The following ERBB4 variants were observed in gnomAD, a reference collection of about 807,000 sequenced individuals.
ERBB4 encodes receptor tyrosine-protein kinase erbB-4.
In ERBB4, 42 loss-of-function variants were observed where a neutral mutation model predicts 158.0. That is an observed-to-expected ratio of 0.27 (90% CI 0.21 to 0.34). The LOEUF (loss-of-function observed/expected upper bound fraction) is 0.34. Ranked by LOEUF, ERBB4 falls within the 10% of genes least tolerant of loss-of-function variation. The pLI, the probability that ERBB4 is intolerant of heterozygous loss-of-function variation, is 1.00. For missense variants in ERBB4, 1,333 were observed against 1,624.1 expected (o/e 0.82, Z 3.08); for synonymous variants, 583 against 558.7 (o/e 1.04, Z -0.61).
intron 1 of ERBB4, among the ~76,000 whole-genome samples, chr2:212,471,104 T>C (rs1024548109): frequency 2.6e-5 from 4 of 152,058 alleles, no homozygotes; most frequent in Admixed American, 6.6e-5. Flanking sequence ...CTACTTTGCC[T>C]TCAACCCAAT....
chr2:211,665,248 A>C, intron 15 of ERBB4, 75 bp downstream of exon 15: 1 of 1,424,794 alleles, frequency 7.0e-7, no homozygotes, highest in Non-Finnish European at 9.9e-7. Flanking sequence ...TATACATTTC[A>C]GAGATGGTAC....
chr2:211,758,706 C>T (rs1488194845), intron 4 of ERBB4, among the ~76,000 whole-genome samples: 1 of 152,204 alleles, frequency 6.6e-6, no homozygotes, highest in Non-Finnish European at 1.5e-5. Context: ...ATGAGCTTGC[C>T]AGAGCCACCA....
intron 20 of ERBB4, among the ~76,000 whole-genome samples, chr2:211,467,858 T>G (rs1396979245): frequency 2.6e-5 from 4 of 152,142 alleles, no homozygotes; most frequent in Non-Finnish European, 5.9e-5. Context: ...CAGCATTCAG[T>G]AAGTATGTGA....
intron 3 of ERBB4, among the ~76,000 whole-genome samples, chr2:211,918,349 T>A (rs1279933145): frequency 6.6e-6 from 1 of 152,114 alleles, no homozygotes. Context: ...TATACCCTTA[T>A]TCCATCCCCC....
chr2:211,424,225 T>C lies in ERBB4; in HGVS notation c.2796A>G (p.Leu932=). The C allele has an allele frequency of 6.2e-7, 1 of 1,613,424 alleles. No individual in the cohort carries two copies. Among genetic ancestry groups the C allele is most frequent in the Non-Finnish European group, 8.5e-7 (1 of 1,179,528 alleles). Reference sequence around the variant, plus strand: ...GAGGCAAACGTTCTCCTTTCTCTAATAAATCAGGGATTTCTCGCGTTGGAA... The same window carrying C: ...GAGGCAAACGTTCTCCTTTCTCTAACAAATCAGGGATTTCTCGCGTTGGAA... The part of the protein sequence containing the change: ...DGIPTREIPD[L]LEKGERLPQP... Residue 932 remains leucine, a synonymous_variant, in exon 23 of 28, where the codon TTA becomes TTG. Coordinates refer to ENST00000342788, the MANE Select transcript of ERBB4 (RefSeq NM_005235.3).
intron 2 of ERBB4, among the ~76,000 whole-genome samples, chr2:212,110,957 C>A (rs983403017): frequency 7.9e-5 from 12 of 152,154 alleles, no homozygotes; most frequent in African/African-American, 2.4e-4. Flanking sequence ...CTCTGGCCAC[C>A]CGCCTACCTG....
chr2:211,479,049 T>G (rs2065023731), intron 20 of ERBB4, among the ~76,000 whole-genome samples: 1 of 152,170 alleles, frequency 6.6e-6, no homozygotes, highest in Admixed American at 6.6e-5. Flanking sequence ...TTGTTCTAGA[T>G]GCTGCCTCTA....
chr2:211,780,405 T>C (rs2076005931), intron 4 of ERBB4, among the ~76,000 whole-genome samples: 1 of 152,080 alleles, frequency 6.6e-6, no homozygotes, highest in African/African-American at 2.4e-5. Context: ...TAAAGATGTA[T>C]ATTGAAAACT....
chr2:212,156,847 C>T (rs970636006), intron 1 of ERBB4, among the ~76,000 whole-genome samples: 17 of 152,190 alleles, frequency 1.1e-4, no homozygotes, highest in African/African-American at 4.1e-4. Context: ...TTGCTTCTAT[C>T]TCCCTAATAT....
chr2:212,193,994 A>G (rs2082349947), intron 1 of ERBB4, among the ~76,000 whole-genome samples: 1 of 152,058 alleles, frequency 6.6e-6, no homozygotes, highest in African/African-American at 2.4e-5. Context: ...ATTTCAATAA[A>G]ACAGTACAGC....
intron 4 of ERBB4, among the ~76,000 whole-genome samples, chr2:211,758,381 G>A (rs1484265902): frequency 6.6e-6 from 1 of 152,024 alleles, no homozygotes; most frequent in Non-Finnish European, 1.5e-5. Flanking sequence ...ATAACAAAAT[G>A]TCTCAAAATA....
At chr2:212,401,075 G>A (rs1184392378) in intron 1 of ERBB4, among the ~76,000 whole-genome samples, 1 of 152,020 alleles carries the variant, frequency 6.6e-6, no homozygotes, top group Non-Finnish European at 1.5e-5. Context: ...GTGTTCATAC[G>A]GTAAGCATTA....
intron 9 of ERBB4, among the ~76,000 whole-genome samples, chr2:211,709,700 T>G (rs371287590): frequency 3.3e-5 from 5 of 152,126 alleles, no homozygotes; most frequent in Non-Finnish European, 7.3e-5. Context: ...AATGTCCTAC[T>G]AGACATTTAG....
chr2:212,321,249 GAAC>G (rs2087555804), intron 1 of ERBB4, among the ~76,000 whole-genome samples: 1 of 150,402 alleles, frequency 6.6e-6, no homozygotes, highest in African/African-American at 2.4e-5. Flanking sequence ...AGTGATTAAA[GAAC>G]AACTACGTTT....
At chr2:211,812,699 A>G (rs923192886) in intron 3 of ERBB4, among the ~76,000 whole-genome samples, 23 of 152,246 alleles carry the variant, frequency 1.5e-4, no homozygotes, top group Admixed American at 3.9e-4. Flanking sequence ...GCTCCATCCA[A>G]TTTGAGCTTC....
intron 20 of ERBB4, among the ~76,000 whole-genome samples, chr2:211,495,979 T>C (rs1033935571): frequency 1.1e-4 from 16 of 152,170 alleles, no homozygotes; most frequent in Middle Eastern, 3.4e-3. Flanking sequence ...CTGATAAATA[T>C]GTTGATCCCT....
chr2:211,432,792 A>T (rs56969601), intron 20 of ERBB4, among the ~76,000 whole-genome samples: 68,085 of 151,522 alleles, frequency 0.45, 17,350 homozygotes, highest in African/African-American at 0.7. Context: ...TGGACTATAT[A>T]GACAGATACT....
intron 16 of ERBB4, among the ~76,000 whole-genome samples, chr2:211,645,260 G>C (rs909772182): frequency 3.3e-5 from 5 of 151,760 alleles, no homozygotes; most frequent in Non-Finnish European, 7.4e-5. Context: ...GAGAAAAAGA[G>C]AGACAGAGAC....
intron 1 of ERBB4, among the ~76,000 whole-genome samples, chr2:212,125,757 C>G (rs2079904818): frequency 6.6e-6 from 1 of 152,166 alleles, no homozygotes; most frequent in Admixed American, 6.5e-5. Flanking sequence ...TTTCATTCTT[C>G]TTTATGGCTG....
Sources: gnomAD v4.1 joint callset for allele counts (sites outside exome capture counted in the v4.1 genomes callset) on GRCh38, gnomAD v4.1.1 for gene constraint, MANE v1.5 for transcripts, NCBI Gene and HGNC (gene_info 2026-07-23, HGNC 2026-07-21) for gene names.